The following CTNNA3 variants were observed in gnomAD, a reference collection of about 807,000 sequenced individuals.
The protein encoded by CTNNA3 is catenin alpha-3.
Under a neutral mutation model 95.7 loss-of-function variants are expected in CTNNA3, and 76 were observed. The ratio of observed to expected loss-of-function variants is 0.79; its 90% CI spans 0.66 to 0.96. The LOEUF (loss-of-function observed/expected upper bound fraction) is 0.96, where lower values mean the gene tolerates loss of function less well. Among genes scored for constraint, CTNNA3 ranks in the 40% least tolerant of loss-of-function variants. The probability of loss-of-function intolerance (pLI) is 0.00; values close to 1 mark genes in which losing one functional copy is unlikely to be tolerated. For missense variants in CTNNA3, 1,191 were observed against 1,089.8 expected, an observed-to-expected ratio of 1.09 and a Z score of -1.31; for synonymous variants, 431 against 374.4, an observed-to-expected ratio of 1.15 and a Z score of -1.74.
At chr10:66,960,431 C>A (rs1487425007) in intron 7 of CTNNA3, among the ~76,000 whole-genome samples, 1 of 152,112 alleles carries the variant, frequency 6.6e-6, no homozygotes, top group Non-Finnish European at 1.5e-5. Flanking sequence ...CAATTTGCCT[C>A]ATTTGAAACC....
chr10:66,307,985 G>C (rs2091955389), intron 12 of CTNNA3, among the ~76,000 whole-genome samples: 2 of 152,258 alleles, frequency 1.3e-5, no homozygotes, highest in Middle Eastern at 3.4e-3. Flanking sequence ...AGGTTGACAG[G>C]GTTGCCATAC....
intron 11 of CTNNA3, among the ~76,000 whole-genome samples, chr10:66,460,528 T>G (rs1193583728): frequency 6.6e-6 from 1 of 152,078 alleles, no homozygotes; most frequent in African/African-American, 2.4e-5. Flanking sequence ...GAAGGTTTTT[T>G]CCCCCTGCCC....
At chr10:67,242,363 G>A (rs552649641) in intron 5 of CTNNA3, among the ~76,000 whole-genome samples, 36 of 152,256 alleles carry the variant, frequency 2.4e-4, no homozygotes, top group African/African-American at 7.9e-4. Flanking sequence ...CATATTTGTA[G>A]ACTAATGGTT....
intron 7 of CTNNA3, among the ~76,000 whole-genome samples, chr10:66,795,845 T>A (rs1841165872): frequency 1.3e-5 from 2 of 152,212 alleles, no homozygotes; most frequent in Non-Finnish European, 2.9e-5. Flanking sequence ...TTTCATGTTA[T>A]GAAGCTGGCT....
chr10:66,012,801 C>T (rs535413972), intron 15 of CTNNA3, among the ~76,000 whole-genome samples: 4 of 152,270 alleles, frequency 2.6e-5, no homozygotes, highest in African/African-American at 9.6e-5. Context: ...TTTCTTTTTG[C>T]TAGATTGACA....
At position 65,917,952 on chromosome 10, in the gene CTNNA3, CTCTATGCA is replaced by C. The variant is rs1034266650; in HGVS notation, c.*2370_*2377del. ...TCAGGTGGACAGATGCCTTTTTCAG[CTCTATGCA>C]TCTTGTTTTTATGTCACTATCGATT... On this transcript the variant is annotated 3_prime_UTR_variant, in exon 18 of 18. Coordinates refer to ENST00000433211, the MANE Select transcript of CTNNA3 (RefSeq NM_013266.4). 13 of 152,134 alleles carry C rather than the reference CTCTATGCA, an allele frequency of 8.5e-5. No individual in the cohort carries two copies. Among genetic ancestry groups the C allele is most frequent in the African/African-American group, 3.1e-4 (13 of 41,446 alleles). 9.4% of individuals were successfully genotyped at this position (152,134 alleles called of 1,614,324 possible). A position where few individuals can be genotyped will look rare whatever the true frequency, so the allele number is the denominator to read the frequency against.
chr10:66,075,066 T>A (rs1251995653), intron 14 of CTNNA3, among the ~76,000 whole-genome samples: 1 of 151,862 alleles, frequency 6.6e-6, no homozygotes, highest in Non-Finnish European at 1.5e-5. Context: ...TCTTATGCAC[T>A]TTTCCTAGTA....
At chr10:66,855,425 A>G (rs993379030) in intron 7 of CTNNA3, among the ~76,000 whole-genome samples, 42 of 152,128 alleles carry the variant, frequency 2.8e-4, no homozygotes, top group African/African-American at 1.0e-3. Context: ...TAAGTGTAAT[A>G]AGTCCAGCAA....
At chr10:67,379,267 T>C (rs771913089) in intron 5 of CTNNA3, among the ~76,000 whole-genome samples, 1 of 152,174 alleles carries the variant, frequency 6.6e-6, no homozygotes, top group Non-Finnish European at 1.5e-5. Context: ...TCAGGATGCC[T>C]GTGTTTCAGC....
intron 10 of CTNNA3, among the ~76,000 whole-genome samples, chr10:66,568,911 C>T (rs1011486737): frequency 2.0e-5 from 3 of 151,892 alleles, no homozygotes; most frequent in African/African-American, 7.3e-5. Context: ...GCCTTTGCTT[C>T]CTATCTCTAC....
chr10:67,035,845 C>T (rs1278864134), intron 7 of CTNNA3, among the ~76,000 whole-genome samples: 1 of 152,168 alleles, frequency 6.6e-6, no homozygotes, highest in Non-Finnish European at 1.5e-5. Flanking sequence ...TACAAAGAAA[C>T]TGTCCAGTAC....
intron 5 of CTNNA3, among the ~76,000 whole-genome samples, chr10:67,475,597 T>C (rs1847979285): frequency 6.6e-6 from 1 of 152,176 alleles, no homozygotes. Context: ...CATGGATATA[T>C]AGAGGTATTT....
At chr10:67,209,297 C>T (rs1487544765) in intron 6 of CTNNA3, among the ~76,000 whole-genome samples, 1 of 152,140 alleles carries the variant, frequency 6.6e-6, no homozygotes, top group Admixed American at 6.5e-5. Flanking sequence ...GATCCACCCG[C>T]CTTGGCCTCA....
At chr10:67,223,141 A>C (rs1864734483) in intron 5 of CTNNA3, among the ~76,000 whole-genome samples, 1 of 152,220 alleles carries the variant, frequency 6.6e-6, no homozygotes, top group African/African-American at 2.4e-5. Flanking sequence ...ACAGGGGCAA[A>C]GGGGCAGGTG....
chr10:67,391,248 T>C (rs1844469046), intron 5 of CTNNA3, among the ~76,000 whole-genome samples: 1 of 151,852 alleles, frequency 6.6e-6, no homozygotes, highest in African/African-American at 2.4e-5. Flanking sequence ...ACAAGCATTC[T>C]TATACACCAA....
chr10:67,713,746 G>A (rs961117570), intron 1 of CTNNA3, among the ~76,000 whole-genome samples: 1 of 152,054 alleles, frequency 6.6e-6, no homozygotes, highest in Non-Finnish European at 1.5e-5. Flanking sequence ...GAAAATAGAT[G>A]GACATAGGGA....
At chr10:66,895,914 CAAAAAAAAAAA>C (rs869248195) in intron 7 of CTNNA3, among the ~76,000 whole-genome samples, 1 of 80,200 alleles carries the variant, frequency 1.2e-5, no homozygotes, top group Non-Finnish European at 2.4e-5. Flanking sequence ...CCTGTCTCTA[CAAAAAAAAAAA>C]AAAAAAAAAA....
chr10:67,760,721 C>T (rs1217420887), intron 1 of CTNNA3, among the ~76,000 whole-genome samples: 2 of 152,114 alleles, frequency 1.3e-5, no homozygotes, highest in Admixed American at 1.3e-4. Context: ...GTCAGATCAG[C>T]ATTAGATTCT....
At chr10:67,714,459 T>A (rs1019241992) in intron 1 of CTNNA3, among the ~76,000 whole-genome samples, 2 of 152,212 alleles carry the variant, frequency 1.3e-5, no homozygotes, top group African/African-American at 4.8e-5. Context: ...TTTGGCCAAT[T>A]TCTCCCATTT....
Sources: gnomAD v4.1 joint callset for allele counts (sites outside exome capture counted in the v4.1 genomes callset) on GRCh38, gnomAD v4.1.1 for gene constraint, MANE v1.5 for transcripts, NCBI Gene and HGNC (gene_info 2026-07-23, HGNC 2026-07-21) for gene names.